Variants in SPOCK2 observed in about 807,000 individuals in gnomAD.
SPOCK2 encodes the protein SPARC (osteonectin), cwcv and kazal like domains proteoglycan 2.
Under a neutral mutation model 60.1 loss-of-function variants are expected in SPOCK2, and 39 were observed. The observed-to-expected ratio is 0.65, with a 90% CI of 0.50 to 0.85. The LOEUF (loss-of-function observed/expected upper bound fraction) is 0.85. Among genes scored for constraint, SPOCK2 ranks in the 40% least tolerant of loss-of-function variants. The pLI is 0.00. For missense variants in SPOCK2, 523 were observed against 567.4 expected (o/e 0.92, Z 0.80); for synonymous variants, 217 against 231.5 (o/e 0.94, Z 0.57).
Position 72,072,209 on chromosome 10 carries a change from G to A in SPOCK2, c.294C>T (p.His98=), listed in dbSNP as rs1157126998. The A allele has an allele frequency of 2.6e-6, 4 of 1,553,414 alleles. No homozygotes were observed. Among genetic ancestry groups the A allele is most frequent in the Non-Finnish European group, 3.5e-6 (4 of 1,148,864 alleles). Reference sequence around the variant, plus strand: ...GGTAGCCCTGGGCAATGCACACCTTGTGGCGGCTGCACTTCACCTTCTGGC... The same window carrying A: ...GGTAGCCCTGGGCAATGCACACCTTATGGCGGCTGCACTTCACCTTCTGGC... ...DPCQKVKCSR[H]KVCIAQGYQR... The change falls in exon 4 of 11, where the codon CAC becomes CAT. Residue 98 remains histidine (H), a synonymous_variant. Coordinates refer to ENST00000373109, the MANE Select transcript of SPOCK2 (RefSeq NM_001244950.2).
chr10:72,063,111 C>T lies in SPOCK2; in HGVS notation c.1043G>A (p.Cys348Tyr). The T allele has an allele frequency of 6.4e-7, 1 of 1,556,110 alleles. No individual in the cohort carries two copies. The highest frequency in any genetic ancestry group is 8.7e-7 in the Non-Finnish European group (1 of 1,149,446). Residue 348 changes from cysteine to tyrosine, a missense_variant, in exon 10 of 11, where the codon TGT (cysteine) becomes TAT (tyrosine). Cys to Tyr is a radical substitution (Grantham distance 194). Coordinates refer to ENST00000373109, the MANE Select transcript of SPOCK2 (RefSeq NM_001244950.2). ...DEDGYYRKMQ[C>Y]DQSSGDCWCV... Reference sequence around the variant, plus strand: ...CCAGCAGTCACCGCTGCTCTGGTCACACTGCATCTTCCGGTAGTAGCCATC... The same window carrying T: ...CCAGCAGTCACCGCTGCTCTGGTCATACTGCATCTTCCGGTAGTAGCCATC...
In SPOCK2 at chr10:72,086,985, G is replaced by A. The variant is rs527243642; in HGVS notation, c.189+1155C>T. ...CTGCGTTGTACTGGGTGGGTCGGAC[G>A]AGGGAACCTGGGGAAGGAGGAGTAA... On this transcript the variant is annotated intron_variant, in intron 1 of 10. Coordinates refer to ENST00000373109, the MANE Select transcript of SPOCK2 (RefSeq NM_001244950.2). 32 of 1,551,568 alleles carry A rather than the reference G, an allele frequency of 2.1e-5. No homozygotes were observed. The Admixed American group carries it at 2.7e-4, about 13-fold the overall frequency.
intron 4 of SPOCK2, 47 bp from the exon 5 acceptor site, chr10:72,070,473 G>T: frequency 6.3e-7 from 1 of 1,582,602 alleles, no homozygotes; most frequent in South Asian, 1.1e-5. Flanking sequence ...TGACAATGAG[G>T]AAGGAGCAGG....
chr10:72,083,755 C>T (rs1332453060), intron 1 of SPOCK2, among the ~76,000 whole-genome samples: 3 of 152,188 alleles, frequency 2.0e-5, no homozygotes, highest in Non-Finnish European at 4.4e-5. Flanking sequence ...AAGGCCCACC[C>T]TCCCATTCTC....
At chr10:72,075,294 C>A (rs1430124113) in intron 1 of SPOCK2, among the ~76,000 whole-genome samples, 1 of 152,116 alleles carries the variant, frequency 6.6e-6, no homozygotes, top group Non-Finnish European at 1.5e-5. Context: ...GGGGTGGGGA[C>A]AAGGCTGTGC....
intron 5 of SPOCK2, among the ~76,000 whole-genome samples, 191 bp from the exon 6 acceptor site, chr10:72,068,492 A>G (rs1840602517): frequency 6.6e-6 from 1 of 152,174 alleles, no homozygotes; most frequent in African/African-American, 2.4e-5. Flanking sequence ...GGGCCCGGGA[A>G]GCAGGGCTCA....
At chr10:72,066,472 G>A (rs1840568524) in intron 8 of SPOCK2, among the ~76,000 whole-genome samples, 1 of 150,716 alleles carries the variant, frequency 6.6e-6, no homozygotes, top group African/African-American at 2.5e-5. Flanking sequence ...CAAGTGGCAG[G>A]GACCACAAAT....
chr10:72,072,962 A>G (rs1348194080), intron 1 of SPOCK2, 52 bp from the exon 2 acceptor site: 1 of 1,552,018 alleles, frequency 6.4e-7, no homozygotes, highest in Non-Finnish European at 8.7e-7. Flanking sequence ...AGGAAGAGAA[A>G]GGGAGAAAGA....
intron 1 of SPOCK2, among the ~76,000 whole-genome samples, chr10:72,080,934 G>C (rs970366258): frequency 6.6e-6 from 1 of 152,142 alleles, no homozygotes; most frequent in Non-Finnish European, 1.5e-5. Flanking sequence ...CCTGCTCCGG[G>C]CGGTGGCCCC....
At chr10:72,082,275 C>A (rs897698065) in intron 1 of SPOCK2, among the ~76,000 whole-genome samples, 2 of 152,220 alleles carry the variant, frequency 1.3e-5, no homozygotes, top group Non-Finnish European at 2.9e-5. Context: ...CACAGCCGGG[C>A]CAGGTCTGCA....
chr10:72,073,030 G>A (rs895874180), intron 1 of SPOCK2, 120 bp from the exon 2 acceptor site: 2 of 1,388,730 alleles, frequency 1.4e-6, no homozygotes, highest in Admixed American at 2.0e-5. Context: ...TCATCATGTG[G>A]CCGAGCAATG....
At chr10:72,071,931 A>G (rs1325418214) in intron 4 of SPOCK2, among the ~76,000 whole-genome samples, 1 of 152,196 alleles carries the variant, frequency 6.6e-6, no homozygotes, top group East Asian at 1.9e-4. Flanking sequence ...TATAACCTCA[A>G]GACAGACCCA....
chr10:72,088,316 C>T lies in SPOCK2; in HGVS notation c.13G>A (p.Gly5Ser), dbSNP rs756272830. 3 of 1,581,728 alleles carry T rather than the reference C, an allele frequency of 1.9e-6. No individual in the cohort carries two copies. Among genetic ancestry groups the T allele is most frequent in the South Asian group, 2.3e-5 (2 of 88,434 alleles). The change falls in exon 1 of 11, where the codon GGC (glycine) becomes AGC (serine). Residue 5 changes from glycine (G) to serine (S), a missense_variant. By Grantham distance (56) the Gly-to-Ser change is moderately conservative (BLOSUM62 0). Transcript: ENST00000373109. ...AGCGGCAGCACCAGCCGCCCGCAGCCCGGGGCGCGCATCGTGGTCTGGGTT... is the reference window on the plus strand; with the variant it reads ...AGCGGCAGCACCAGCCGCCCGCAGCTCGGGGCGCGCATCGTGGTCTGGGTT... MRAP[G>S]CGRLVLPLLL...
intron 1 of SPOCK2, 104 bp downstream of exon 1, chr10:72,088,036 G>A: frequency 3.5e-6 from 5 of 1,409,704 alleles, no homozygotes; most frequent in East Asian, 2.4e-5. Context: ...GCCAGGCTGC[G>A]GAGCCTCGGG....
chr10:72,079,186 C>T (rs1377253955), intron 1 of SPOCK2, among the ~76,000 whole-genome samples: 1 of 152,156 alleles, frequency 6.6e-6, no homozygotes, highest in African/African-American at 2.4e-5. Flanking sequence ...GAGTGCTGCA[C>T]CCAGAACTGT....
rs2306324 is a variant in SPOCK2, at chr10:72,088,317, C to T, written c.12G>A (p.Pro4=). The T allele has an allele frequency of 0.07, 110,560 of 1,580,202 alleles. 5,299 individuals are homozygous for T. Among genetic ancestry groups the T allele is most frequent in the African/African-American group, 0.19 (13,856 of 72,948 alleles). The change falls in exon 1 of 11, where the codon CCG becomes CCA. Residue 4 remains proline, a synonymous_variant. Transcript: ENST00000373109. Reference sequence around the variant, plus strand: ...GCGGCAGCACCAGCCGCCCGCAGCCCGGGGCGCGCATCGTGGTCTGGGTTC... The same window carrying T: ...GCGGCAGCACCAGCCGCCCGCAGCCTGGGGCGCGCATCGTGGTCTGGGTTC... MRA[P]GCGRLVLPLL... is the part of the protein sequence containing the mutation.
chr10:72,071,302 G>A lies in SPOCK2; in HGVS notation c.359+842C>T, dbSNP rs911307025. The stretch of plus-strand genomic sequence containing the variant: ...CCTCCCAGGTTCAAGCAATTCTCCT[G>A]TCTCAGCCACACGAGTATCTGGGAC... On this transcript the variant is annotated intron_variant, in intron 4 of 10. Transcript: ENST00000373109. Among the ~76,000 whole-genome samples, 5 of 151,890 alleles carry A rather than the reference G, an allele frequency of 3.3e-5. No individual in the cohort carries two copies. The East Asian group carries it at 9.6e-4, about 29-fold the overall frequency.
rs538567547 is a variant in SPOCK2 at position 72,063,149 on chromosome 10, C to T, written c.1005G>A (p.Pro335=). ...GGTAGTAGCCATCCTCGTCGCAGCT[C>T]GGGATGAAGATGCCTGAATGAGACA... is the stretch of plus-strand genomic sequence containing the variant. The part of the protein sequence containing the change: ...AAKKKPGIFI[P]SCDEDGYYRK... Residue 335 remains proline (P), a synonymous_variant, in exon 10 of 11, where the codon CCG becomes CCA. Transcript: ENST00000373109. 106 of 1,556,784 alleles carry T rather than the reference C, an allele frequency of 6.8e-5. No homozygotes were observed. The highest frequency in any genetic ancestry group is 8.8e-5 in the Non-Finnish European group (101 of 1,149,830).
chr10:72,078,443 A>G (rs929818181), intron 1 of SPOCK2, among the ~76,000 whole-genome samples: 14 of 152,114 alleles, frequency 9.2e-5, no homozygotes, highest in Non-Finnish European at 2.1e-4. Flanking sequence ...CCCGGTAGGC[A>G]GAGCTTGTAG....
Sources: gnomAD v4.1 joint callset for allele counts (sites outside exome capture counted in the v4.1 genomes callset) on GRCh38, gnomAD v4.1.1 for gene constraint, MANE v1.5 for transcripts, NCBI Gene and HGNC (gene_info 2026-07-23, HGNC 2026-07-21) for gene names.